GLCCI1: variants seen among roughly 807,000 people sequenced by gnomAD.
GLCCI1 encodes glucocorticoid-induced transcript 1 protein.
In GLCCI1, 24 loss-of-function variants were observed where a neutral mutation model predicts 52.2. The ratio of observed to expected loss-of-function variants is 0.46; its 90% CI spans 0.33 to 0.65. The LOEUF is 0.65. GLCCI1 is among the 30% of genes least tolerant of loss of function. The pLI is 0.02. For missense variants in GLCCI1, 704 were observed against 701.5 expected (o/e 1.00, Z -0.04); for synonymous variants, 310 against 276.5 (o/e 1.12, Z -1.20).
At chr7:8,038,905 A>G (rs1223223460) in intron 3 of GLCCI1, among the ~76,000 whole-genome samples, 5 of 152,194 alleles carry the variant, frequency 3.3e-5, no homozygotes, top group Non-Finnish European at 5.9e-5. Flanking sequence ...AAGTCAAACA[A>G]TGCAACAAGA....
intron 2 of GLCCI1, among the ~76,000 whole-genome samples, chr7:8,010,338 A>T (rs905725289): frequency 5.3e-5 from 8 of 152,210 alleles, no homozygotes; most frequent in African/African-American, 1.9e-4. Context: ...GATTAGATTT[A>T]TATTCTAATA....
At chr7:8,005,298 T>C (rs879882807) in intron 2 of GLCCI1, among the ~76,000 whole-genome samples, 7 of 152,122 alleles carry the variant, frequency 4.6e-5, no homozygotes, top group Non-Finnish European at 8.8e-5. Context: ...AATGTACTTA[T>C]AGAGTATGAA....
chr7:8,034,139 C>T (rs1469316739), intron 3 of GLCCI1, among the ~76,000 whole-genome samples: 2 of 152,092 alleles, frequency 1.3e-5, no homozygotes, highest in South Asian at 4.1e-4. Flanking sequence ...AAGAAGCCAA[C>T]ACAATTTAAT....
rs1279687578 is a variant in GLCCI1, at chr7:7,969,013, C to T, written c.-338C>T. The T allele has an allele frequency of 6.2e-6, 1 of 160,572 alleles. No individual in the cohort carries two copies. Among genetic ancestry groups the T allele is most frequent in the Non-Finnish European group, 1.4e-5 (1 of 73,456 alleles). The allele number at this position is 160,572 out of a possible 1,614,324, so 9.9% of individuals were successfully genotyped here. Reference sequence around the variant, plus strand: ...AGGCTGCGAGCGGCCCTCGGGGCTGCGTGATCCGGGCCGTTGCCCTGTCAG... The same window carrying T: ...AGGCTGCGAGCGGCCCTCGGGGCTGTGTGATCCGGGCCGTTGCCCTGTCAG... On this transcript the variant is annotated 5_prime_UTR_variant, in exon 1 of 8. Transcript: ENST00000223145. The surrounding 1 kb of genome is among the most constrained non-coding windows in gnomAD (Gnocchi z 4.9).
intron 5 of GLCCI1, among the ~76,000 whole-genome samples, chr7:8,065,076 T>A (rs866849832): frequency 4.6e-5 from 7 of 152,214 alleles, no homozygotes; most frequent in Non-Finnish European, 1.0e-4. Context: ...TGTTTTTCTA[T>A]CTGATACTGT....
chr7:7,980,600 G>A (rs1780593683), intron 1 of GLCCI1: 1 of 707,048 alleles, frequency 1.4e-6, no homozygotes, highest in African/African-American at 1.8e-5. Context: ...TTTGGCCTAG[G>A]ATTGTATGGT....
At position 7,969,944 on chromosome 7, in the gene GLCCI1, C is replaced by T. The variant is rs947622212; in HGVS notation, c.457+137C>T. The T allele has an allele frequency of 1.8e-6, 2 of 1,094,556 alleles. No homozygotes were observed. The highest frequency in any genetic ancestry group is 2.3e-6 in the Non-Finnish European group (2 of 888,116). 67.8% of individuals were successfully genotyped at this position (1,094,556 alleles called of 1,614,324 possible). On this transcript the variant is annotated intron_variant, in intron 1 of 7. Transcript: ENST00000223145. The surrounding 1 kb of genome is among the most constrained non-coding windows in gnomAD (Gnocchi z 4.9). ...AAAGTGGCTTTGGGAATCTCACCCC[C>T]CTGCGGTCGCTGTGGGGCTTGGAGG...
At chr7:8,010,919 C>A (rs1417233223) in intron 2 of GLCCI1, among the ~76,000 whole-genome samples, 3 of 121,722 alleles carry the variant, frequency 2.5e-5, no homozygotes, top group Admixed American at 7.9e-5. Flanking sequence ...TAAATCCCTA[C>A]CTCATTTTTT....
chr7:8,029,782 A>G (rs1266416161), intron 3 of GLCCI1, among the ~76,000 whole-genome samples: 1 of 152,158 alleles, frequency 6.6e-6, no homozygotes, highest in Non-Finnish European at 1.5e-5. Flanking sequence ...TAGAAAAAGA[A>G]ATAAAAAGTC....
At chr7:8,044,348 A>G (rs1177731437) in intron 3 of GLCCI1, among the ~76,000 whole-genome samples, 2 of 150,942 alleles carry the variant, frequency 1.3e-5, no homozygotes, top group African/African-American at 4.9e-5. Flanking sequence ...AAACAGTATT[A>G]TATCCATTCC....
intron 2 of GLCCI1, among the ~76,000 whole-genome samples, chr7:8,009,846 A>G (rs1781228444): frequency 6.6e-6 from 1 of 151,810 alleles, no homozygotes; most frequent in Non-Finnish European, 1.5e-5. Flanking sequence ...TGTTATTTTT[A>G]TTAATTAAAA....
intron 1 of GLCCI1, among the ~76,000 whole-genome samples, chr7:7,995,115 G>A (rs751302726): frequency 6.6e-6 from 1 of 152,202 alleles, no homozygotes; most frequent in Admixed American, 6.5e-5. Context: ...TACTAGAAGA[G>A]TGAATATTTT....
intron 1 of GLCCI1, among the ~76,000 whole-genome samples, chr7:7,974,415 G>C (rs1780421493): frequency 6.6e-6 from 1 of 152,108 alleles, no homozygotes; most frequent in Non-Finnish European, 1.5e-5. Context: ...TATCGAACTG[G>C]AAATCATTTT....
intron 1 of GLCCI1, among the ~76,000 whole-genome samples, chr7:7,999,959 T>C (rs1365436417): frequency 6.6e-6 from 1 of 152,182 alleles, no homozygotes; most frequent in East Asian, 1.9e-4. Flanking sequence ...AAATGGTTCC[T>C]ATTGTTTATT....
At chr7:7,976,632 C>T (rs1780479594) in intron 1 of GLCCI1, among the ~76,000 whole-genome samples, 1 of 151,826 alleles carries the variant, frequency 6.6e-6, no homozygotes, top group South Asian at 2.1e-4. Context: ...AGAAATCCTG[C>T]TGGGCATGGT....
chr7:8,016,123 T>C (rs1352454872), intron 2 of GLCCI1, among the ~76,000 whole-genome samples: 1 of 152,252 alleles, frequency 6.6e-6, no homozygotes, highest in African/African-American at 2.4e-5. Flanking sequence ...TGTGATAATA[T>C]TAAACAGAAT....
intron 1 of GLCCI1, among the ~76,000 whole-genome samples, chr7:7,983,687 C>G (rs575161002): frequency 1.3e-5 from 2 of 152,168 alleles, no homozygotes; most frequent in Non-Finnish European, 2.9e-5. Context: ...TTGAACCCAG[C>G]TACATGAACA....
At chr7:8,084,307 GA>G (rs1464045367) in intron 6 of GLCCI1, among the ~76,000 whole-genome samples, 1 of 152,148 alleles carries the variant, frequency 6.6e-6, no homozygotes, top group Non-Finnish European at 1.5e-5. Context: ...AAATTCTGCT[GA>G]AAAAGCCCTT....
intron 5 of GLCCI1, chr7:8,070,247 A>G (rs1782727040): frequency 6.6e-6 from 1 of 152,238 alleles, no homozygotes; most frequent in South Asian, 2.1e-4. Flanking sequence ...GCTACTGAGA[A>G]CAAAGTATTC....
Sources: gnomAD v4.1 joint callset for allele counts (sites outside exome capture counted in the v4.1 genomes callset) on GRCh38, gnomAD v4.1.1 for gene constraint, Gnocchi (gnomAD v3.1) non-coding constraint, MANE v1.5 for transcripts, NCBI Gene and HGNC (gene_info 2026-07-23, HGNC 2026-07-21) for gene names.